The following GALNTL6 variants were observed in gnomAD, a reference collection of about 807,000 sequenced individuals.
GALNTL6 encodes polypeptide N-acetylgalactosaminyltransferase-like 6.
GALNTL6 carries 46 observed loss-of-function variants against 73.7 expected under a neutral mutation model. That is an observed-to-expected ratio of 0.62 (90% CI 0.49 to 0.80). GALNTL6 has a LOEUF of 0.80. GALNTL6 is among the 30% of genes least tolerant of loss of function. The pLI, the probability that GALNTL6 is intolerant of heterozygous loss-of-function variation, is 0.00. For synonymous variants in GALNTL6, 259 were observed against 263.7 expected (o/e 0.98, Z 0.17); for missense variants, 604 against 755.0 (o/e 0.80, Z 2.34).
chr4:172,098,314 C>T lies in GALNTL6; in HGVS notation c.139-131342C>T, dbSNP rs1170431683. ...TAATATTAATATGGCCTAATATTAT[C>T]TAGGGTTCATTGGGTGGGACAGAGT... On this transcript the variant is annotated intron_variant, in intron 2 of 12. Transcript: ENST00000506823. Among the ~76,000 whole-genome samples, 4 of 151,772 alleles carry T rather than the reference C, an allele frequency of 2.6e-5. No individual in the cohort carries two copies. The East Asian group carries it at 7.8e-4, about 29-fold the overall frequency.
intron 5 of GALNTL6, among the ~76,000 whole-genome samples, chr4:172,526,565 G>A (rs945898185): frequency 1.3e-5 from 2 of 152,092 alleles, no homozygotes; most frequent in African/African-American, 4.8e-5. Context: ...TATTAGCTAA[G>A]CCTGTTAGTA....
intron 5 of GALNTL6, among the ~76,000 whole-genome samples, chr4:172,719,638 A>G (rs1017905964): frequency 6.6e-6 from 1 of 152,136 alleles, no homozygotes; most frequent in Non-Finnish European, 1.5e-5. Context: ...CCAAATCCTT[A>G]GATATAAGAT....
intron 5 of GALNTL6, among the ~76,000 whole-genome samples, chr4:172,471,167 C>G (rs539693469): frequency 6.6e-6 from 1 of 152,240 alleles, no homozygotes; most frequent in South Asian, 2.1e-4. Flanking sequence ...AAGAGTGAAC[C>G]CATGGGGCAG....
chr4:172,771,815 G>A (rs960560572), intron 5 of GALNTL6, among the ~76,000 whole-genome samples: 4 of 152,090 alleles, frequency 2.6e-5, no homozygotes, highest in African/African-American at 9.6e-5. Flanking sequence ...GATTATCAAT[G>A]TTCTATAGGC....
intron 2 of GALNTL6, among the ~76,000 whole-genome samples, chr4:172,188,379 C>T (rs558517478): frequency 6.6e-6 from 1 of 152,256 alleles, no homozygotes; most frequent in Admixed American, 6.5e-5. Flanking sequence ...TGAAAAGCTT[C>T]CGTACACATA....
At chr4:172,997,966 C>G (rs1579760731) in intron 10 of GALNTL6, among the ~76,000 whole-genome samples, 1 of 152,318 alleles carries the variant, frequency 6.6e-6, no homozygotes, top group South Asian at 2.1e-4. Context: ...AAGCAGAACA[C>G]ATATAAACCT....
intron 5 of GALNTL6, among the ~76,000 whole-genome samples, chr4:172,394,442 T>G (rs1049887113): frequency 6.7e-6 from 1 of 149,044 alleles, no homozygotes; most frequent in Non-Finnish European, 1.5e-5. Context: ...TTTTTTTTTT[T>G]TTTTTTGAGA....
intron 2 of GALNTL6, among the ~76,000 whole-genome samples, chr4:171,946,181 A>G (rs1738697090): frequency 6.6e-6 from 1 of 152,212 alleles, no homozygotes; most frequent in Admixed American, 6.5e-5. Flanking sequence ...TACTATTTCA[A>G]TGATTAGAAA....
intron 2 of GALNTL6, among the ~76,000 whole-genome samples, chr4:171,989,668 G>C (rs886224071): frequency 1.3e-5 from 2 of 152,198 alleles, no homozygotes; most frequent in Non-Finnish European, 2.9e-5. Flanking sequence ...TGCACATCTT[G>C]AAGGCAATGT....
intron 5 of GALNTL6, among the ~76,000 whole-genome samples, chr4:172,371,186 T>C (rs564234509): frequency 2.0e-5 from 3 of 152,346 alleles, no homozygotes; most frequent in South Asian, 4.1e-4. Context: ...ACTTACTGAA[T>C]ACCCATTGTG....
At chr4:171,868,524 T>G (rs930102816) in intron 2 of GALNTL6, among the ~76,000 whole-genome samples, 1 of 152,152 alleles carries the variant, frequency 6.6e-6, no homozygotes, top group African/African-American at 2.4e-5. Flanking sequence ...AATGCAGGAC[T>G]TGACACAAAT....
chr4:172,361,008 A>G (rs952353990), intron 5 of GALNTL6, among the ~76,000 whole-genome samples: 1 of 152,130 alleles, frequency 6.6e-6, no homozygotes, highest in Non-Finnish European at 1.5e-5. Context: ...TGAAAAGTGT[A>G]AAGGAAACAA....
At chr4:173,016,777 A>T (rs184045982) in intron 11 of GALNTL6, among the ~76,000 whole-genome samples, 12 of 152,302 alleles carry the variant, frequency 7.9e-5, no homozygotes, top group Admixed American at 7.8e-4. Context: ...TTGGAAGGGC[A>T]TGATTGTGTT....
chr4:172,079,485 T>C lies in GALNTL6; in HGVS notation c.139-150171T>C, dbSNP rs1019001877. Among the ~76,000 whole-genome samples, 36 of 150,982 alleles carry C rather than the reference T, an allele frequency of 2.4e-4. 1 individual carries two copies. Among genetic ancestry groups the C allele is most frequent in the African/African-American group, 8.2e-4 (33 of 40,400 alleles). ...GTAATTTTGATTTATTGATAAATCATAAATACTTACATTTAAAATGGTTCC... is the reference window on the plus strand; with the variant it reads ...GTAATTTTGATTTATTGATAAATCACAAATACTTACATTTAAAATGGTTCC... On this transcript the variant is annotated intron_variant, in intron 2 of 12. Coordinates refer to ENST00000506823, the MANE Select transcript of GALNTL6 (RefSeq NM_001034845.3).
intron 5 of GALNTL6, among the ~76,000 whole-genome samples, chr4:172,617,521 G>C (rs1367573268): frequency 2.6e-5 from 4 of 151,772 alleles, no homozygotes; most frequent in African/African-American, 9.7e-5. Flanking sequence ...CTGTCGCCCA[G>C]GCTGGAGAGT....
At chr4:172,210,320 G>A (rs1423449890) in intron 2 of GALNTL6, among the ~76,000 whole-genome samples, 1 of 152,014 alleles carries the variant, frequency 6.6e-6, no homozygotes, top group East Asian at 1.9e-4. Flanking sequence ...ACTAAAGTCT[G>A]TAGTATTTAT....
At chr4:172,503,288 A>T (rs918100622) in intron 5 of GALNTL6, among the ~76,000 whole-genome samples, 4 of 152,062 alleles carry the variant, frequency 2.6e-5, no homozygotes, top group Non-Finnish European at 5.9e-5. Flanking sequence ...ATTTAACAGG[A>T]CATGGCCTAC....
At chr4:172,931,572 C>T (rs527854978) in intron 9 of GALNTL6, among the ~76,000 whole-genome samples, 3 of 152,270 alleles carry the variant, frequency 2.0e-5, no homozygotes, top group Non-Finnish European at 4.4e-5. Context: ...CTTGTTCATG[C>T]TCACATGAAT....
chr4:172,822,051 T>G (rs1476988726), intron 7 of GALNTL6, among the ~76,000 whole-genome samples: 1 of 152,204 alleles, frequency 6.6e-6, no homozygotes, highest in Non-Finnish European at 1.5e-5. Flanking sequence ...AATGACTGCT[T>G]CTTTCTTCCC....
Sources: allele counts gnomAD v4.1 joint callset (sites outside exome capture counted in the v4.1 genomes callset), GRCh38; gene constraint gnomAD v4.1.1; transcripts MANE v1.5; gene names NCBI Gene and HGNC (gene_info 2026-07-23, HGNC 2026-07-21).